The following CEP85L variants were observed in gnomAD, a reference collection of about 807,000 sequenced individuals.
The protein encoded by CEP85L is centrosomal protein of 85 kDa-like.
A neutral mutation model predicts 100.3 loss-of-function variants in CEP85L; 60 were observed. The ratio of observed to expected loss-of-function variants is 0.60; its 90% CI spans 0.49 to 0.74. The LOEUF is 0.74. CEP85L is among the 30% of genes least tolerant of loss of function. The pLI, the probability that CEP85L is intolerant of heterozygous loss-of-function variation, is 0.00. For synonymous variants in CEP85L, 319 were observed against 322.7 expected (o/e 0.99, Z 0.12); for missense variants, 973 against 936.2 (o/e 1.04, Z -0.51).
At chr6:118,534,040 A>G (rs1777445398) in intron 3 of CEP85L, among the ~76,000 whole-genome samples, 1 of 151,546 alleles carries the variant, frequency 6.6e-6, no homozygotes, top group African/African-American at 2.4e-5. Flanking sequence ...GGTTACAGTG[A>G]GCTGAGATCT....
At chr6:118,692,751 AGAAGAAACAAGAC>A (rs1351244887) in intron 1 of CEP85L, among the ~76,000 whole-genome samples, 17 of 152,352 alleles carry the variant, frequency 1.1e-4, no homozygotes, top group South Asian at 2.1e-4. Context: ...AGTTAAGGGC[AGAAGAAACAAGAC>A]ATAGATACAT....
At chr6:118,519,328 A>T (rs2114759372) in intron 4 of CEP85L, among the ~76,000 whole-genome samples, 1 of 151,714 alleles carries the variant, frequency 6.6e-6, no homozygotes, top group Middle Eastern at 3.4e-3. Context: ...GTCGCGGGCT[A>T]CTGGGGAAGC....
At chr6:118,533,719 T>A (rs563754313) in intron 3 of CEP85L, among the ~76,000 whole-genome samples, 53 of 152,064 alleles carry the variant, frequency 3.5e-4, no homozygotes, top group Non-Finnish European at 6.2e-4. Flanking sequence ...TCAAACCAAA[T>A]CCAATCCAGA....
chr6:118,624,373 CCT>C (rs748010241), intron 2 of CEP85L, among the ~76,000 whole-genome samples: 32 of 152,100 alleles, frequency 2.1e-4, no homozygotes, highest in Non-Finnish European at 4.7e-4. Context: ...TTTCTATCGT[CCT>C]TCCTTTTAAC....
At chr6:118,484,157 C>A (rs981556704) in intron 6 of CEP85L, among the ~76,000 whole-genome samples, 2 of 151,834 alleles carry the variant, frequency 1.3e-5, no homozygotes, top group Non-Finnish European at 2.9e-5. Flanking sequence ...TAAAAAAATA[C>A]CCAAAAAAAT....
At chr6:118,607,902 G>A (rs1006002104) in intron 2 of CEP85L, among the ~76,000 whole-genome samples, 3 of 152,096 alleles carry the variant, frequency 2.0e-5, no homozygotes, top group African/African-American at 4.8e-5. Flanking sequence ...CCCTTCTATG[G>A]TCGCCAGAAA....
chr6:118,645,154 G>A (rs371732311), intron 1 of CEP85L, among the ~76,000 whole-genome samples: 9 of 152,124 alleles, frequency 5.9e-5, no homozygotes, highest in South Asian at 2.1e-4. Flanking sequence ...ACTCATTTCC[G>A]CCTTGGAGAT....
Position 118,469,318 on chromosome 6 carries a change from AAAAC to A in CEP85L, c.2023-19_2023-16del. 6.3e-7 allele frequency: 1 copy of A among 1,588,022 alleles called. No individual in the cohort carries two copies. The highest frequency in any genetic ancestry group is 1.1e-5 in the South Asian group (1 of 90,562). On this transcript the variant is annotated splice_polypyrimidine_tract_variant and intron_variant, in intron 11 of 12. Coordinates refer to ENST00000368491, the MANE Select transcript of CEP85L (RefSeq NM_001042475.3). The stretch of plus-strand genomic sequence containing the variant: ...TGTCTTTGGTTCTGCAAGGATAAAG[AAAAC>A]AAACATCAGATTGTTAGAACAGAGG...
At chr6:118,608,291 C>G (rs1181223976) in intron 2 of CEP85L, among the ~76,000 whole-genome samples, 1 of 152,058 alleles carries the variant, frequency 6.6e-6, no homozygotes, top group Non-Finnish European at 1.5e-5. Context: ...GTCAGGAGAT[C>G]GAGACCATCC....
intron 6 of CEP85L, among the ~76,000 whole-genome samples, chr6:118,486,602 G>C (rs933600015): frequency 6.6e-6 from 1 of 152,156 alleles, no homozygotes; most frequent in Non-Finnish European, 1.5e-5. Context: ...CAAGGAGCCT[G>C]CTCTTCCTAA....
intron 1 of CEP85L, among the ~76,000 whole-genome samples, chr6:118,690,760 A>G (rs1353549749): frequency 2.0e-5 from 3 of 152,232 alleles, no homozygotes; most frequent in Non-Finnish European, 4.4e-5. Context: ...GGGATTAGGG[A>G]GGCAGAGGCA....
At chr6:118,560,868 G>A (rs1779185928) in intron 3 of CEP85L, 1 of 152,294 alleles carries the variant, frequency 6.6e-6, no homozygotes, top group Admixed American at 6.6e-5. Context: ...GTCTAAAATA[G>A]TTTACACCTA....
chr6:118,589,592 T>C (rs1781064589), intron 2 of CEP85L: 2 of 264,120 alleles, frequency 7.6e-6, no homozygotes, highest in East Asian at 1.0e-4. Flanking sequence ...AGAAAGTATC[T>C]AGTGATTTAT....
intron 3 of CEP85L, among the ~76,000 whole-genome samples, chr6:118,548,725 G>A (rs1778355183): frequency 6.6e-6 from 1 of 151,910 alleles, no homozygotes; most frequent in Non-Finnish European, 1.5e-5. Context: ...ACCATATTTG[G>A]TAGTAGTGGT....
chr6:118,497,809 G>C (rs565468617), intron 5 of CEP85L, among the ~76,000 whole-genome samples: 1 of 152,098 alleles, frequency 6.6e-6, no homozygotes, highest in African/African-American at 2.4e-5. Context: ...CAAGAGCATC[G>C]GAAAAGGAAT....
At chr6:118,523,970 T>C (rs1184434809) in intron 3 of CEP85L, 50 bp from the exon 4 acceptor site, 2 of 688,288 alleles carry the variant, frequency 2.9e-6, no homozygotes, top group African/African-American at 3.8e-5. Context: ...TTAAAGAAAA[T>C]ATTTATATAT....
At chr6:118,585,116 A>G (rs1780783514) in intron 2 of CEP85L, among the ~76,000 whole-genome samples, 1 of 152,228 alleles carries the variant, frequency 6.6e-6, no homozygotes, top group South Asian at 2.1e-4. Context: ...ACTCTACATG[A>G]CATCACTGAA....
rs900881908 is a variant in CEP85L, at chr6:118,545,556, G to A, written c.1020+19973C>T. 2.6e-5 allele frequency among the ~76,000 whole-genome samples: 4 copies of A among 152,042 alleles called. No homozygotes were observed. In the South Asian group the frequency reaches 8.3e-4, roughly 32 times the overall value. ...TGAGCTGAGATCGCACCATTCACTC[G>A]GGGCTGAGTAACAGAGTGAGACTCC... On this transcript the variant is annotated intron_variant, in intron 3 of 12. Coordinates refer to ENST00000368491, the MANE Select transcript of CEP85L (RefSeq NM_001042475.3).
At chr6:118,684,404 G>A (rs1776764305) in intron 1 of CEP85L, among the ~76,000 whole-genome samples, 1 of 152,116 alleles carries the variant, frequency 6.6e-6, no homozygotes, top group Admixed American at 6.5e-5. Flanking sequence ...GGCTGAACTG[G>A]GAGGATGGCT....
Sources: gnomAD v4.1 joint callset for allele counts (sites outside exome capture counted in the v4.1 genomes callset) on GRCh38, gnomAD v4.1.1 for gene constraint, MANE v1.5 for transcripts, NCBI Gene and HGNC (gene_info 2026-07-23, HGNC 2026-07-21) for gene names.